CSMD1: variants seen among roughly 807,000 people sequenced by gnomAD.
CSMD1 encodes CUB and Sushi multiple domains 1.
CSMD1 carries 213 observed loss-of-function variants against 417.5 expected under a neutral mutation model. The observed-to-expected ratio is 0.51, with a 90% CI of 0.46 to 0.57. CSMD1 has a LOEUF of 0.57. CSMD1 is among the 20% of genes least tolerant of loss of function. CSMD1 has a pLI of 0.00. For missense variants in CSMD1, 6,923 were observed against 4,529.7 expected (o/e 1.53, Z -15.17); for synonymous variants, 2,862 against 1,736.8 (o/e 1.65, Z -16.11).
chr8:3,924,422 T>G (rs1809494427), intron 5 of CSMD1, among the ~76,000 whole-genome samples: 1 of 152,210 alleles, frequency 6.6e-6, no homozygotes, highest in African/African-American at 2.4e-5. Flanking sequence ...TCTCCAGATT[T>G]GGAAAGCTTT....
chr8:3,155,541 G>A (rs1486089192), intron 39 of CSMD1, among the ~76,000 whole-genome samples: 1 of 151,048 alleles, frequency 6.6e-6, no homozygotes, highest in Non-Finnish European at 1.5e-5. Flanking sequence ...CTAATTTTTT[G>A]TATTTTTAGT....
At chr8:3,602,908 A>G (rs1432937740) in intron 8 of CSMD1, among the ~76,000 whole-genome samples, 8 of 152,172 alleles carry the variant, frequency 5.3e-5, no homozygotes, top group African/African-American at 1.4e-4. Flanking sequence ...TCAAGTAACA[A>G]TCACCTATTT....
chr8:4,603,563 T>G (rs1800706071), intron 2 of CSMD1, among the ~76,000 whole-genome samples: 1 of 152,050 alleles, frequency 6.6e-6, no homozygotes, highest in Admixed American at 6.6e-5. Flanking sequence ...AAATATTAAG[T>G]GACCTCATGA....
Position 3,367,205 on chromosome 8 carries a change from T to C in CSMD1, c.2942A>G (p.His981Arg). 1.2e-6 allele frequency: 2 copies of C among 1,613,338 alleles called. No individual in the cohort carries two copies. The highest frequency in any genetic ancestry group is 8.5e-7 in the Non-Finnish European group (1 of 1,179,684). Residue 981 changes from histidine to arginine, a missense_variant, in exon 20 of 70, where the codon CAC (histidine) becomes CGC (arginine). His to Arg is a conservative substitution (Grantham distance 29). Coordinates refer to ENST00000635120, the MANE Select transcript of CSMD1 (RefSeq NM_033225.6). ...ATCCTCTGTGATCAGTAAATAGTCG[T>C]GGGAACTCTCAAGATGAAAGGTGTG... is the stretch of plus-strand genomic sequence containing the variant. ...IFHTFHLESSHDYLLITEDGS... is the reference protein window; with the variant it reads ...IFHTFHLESSRDYLLITEDGS...
chr8:4,090,649 A>G (rs986944247), intron 3 of CSMD1, among the ~76,000 whole-genome samples: 2 of 152,210 alleles, frequency 1.3e-5, no homozygotes, highest in Non-Finnish European at 2.9e-5. Flanking sequence ...GAACTTAAGT[A>G]ATTTAAGTGA....
intron 1 of CSMD1, among the ~76,000 whole-genome samples, chr8:4,692,015 C>G (rs1186385735): frequency 6.6e-6 from 1 of 152,190 alleles, no homozygotes; most frequent in African/African-American, 2.4e-5. Flanking sequence ...TCTTGTACAG[C>G]AGAGCTCAGT....
intron 5 of CSMD1, among the ~76,000 whole-genome samples, chr8:3,771,916 T>C (rs1030439152): frequency 2.0e-5 from 3 of 151,890 alleles, no homozygotes; most frequent in Non-Finnish European, 4.4e-5. Flanking sequence ...AGGAGAAAAA[T>C]AGCCCACAGG....
intron 5 of CSMD1, among the ~76,000 whole-genome samples, chr8:3,928,369 G>C (rs1347591459): frequency 7.0e-6 from 1 of 142,094 alleles, no homozygotes; most frequent in Non-Finnish European, 1.6e-5. Flanking sequence ...CCTTTTTAAA[G>C]TGCATAAAAA....
At chr8:4,176,054 A>G (rs943808675) in intron 3 of CSMD1, among the ~76,000 whole-genome samples, 145 of 152,244 alleles carry the variant, frequency 9.5e-4, no homozygotes, top group African/African-American at 3.4e-3. Context: ...CAGGAGCAGA[A>G]AAGTGTGACT....
chr8:3,960,108 C>G (rs948554163), intron 5 of CSMD1, among the ~76,000 whole-genome samples: 1 of 152,182 alleles, frequency 6.6e-6, no homozygotes, highest in East Asian at 1.9e-4. Context: ...AGTGGAAACA[C>G]AGGTTGTTCA....
intron 2 of CSMD1, among the ~76,000 whole-genome samples, chr8:4,535,333 A>G (rs1329768422): frequency 6.6e-6 from 1 of 152,198 alleles, no homozygotes; most frequent in African/African-American, 2.4e-5. Context: ...TTATAGAGAA[A>G]GTATCTTATT....
At chr8:3,290,945 G>T (rs1394572471) in intron 25 of CSMD1, among the ~76,000 whole-genome samples, 3 of 152,078 alleles carry the variant, frequency 2.0e-5, no homozygotes, top group African/African-American at 7.2e-5. Flanking sequence ...CATTCAGTAT[G>T]ATATTGGCTG....
At chr8:3,869,249 T>G (rs1321927199) in intron 5 of CSMD1, among the ~76,000 whole-genome samples, 1 of 152,196 alleles carries the variant, frequency 6.6e-6, no homozygotes, top group Non-Finnish European at 1.5e-5. Context: ...CTGCATGCCT[T>G]CACTCAAGGG....
chr8:4,132,446 C>T (rs36069069), intron 3 of CSMD1, among the ~76,000 whole-genome samples: 2 of 151,870 alleles, frequency 1.3e-5, no homozygotes, highest in African/African-American at 4.8e-5. Context: ...TTTAAAGGAA[C>T]AAAATTCCAT....
Position 3,387,637 on chromosome 8 carries a change from A to T in CSMD1, c.2639T>A (p.Val880Glu). The change falls in exon 18 of 70, where the codon GTG (valine) becomes GAG (glutamate). Residue 880 changes from valine to glutamate, a missense_variant. Transcript: ENST00000635120. ...SDSCLDPGIPVNGHRHGGDFG... is the reference protein window; with the variant it reads ...SDSCLDPGIPENGHRHGGDFG... ...GTCTCCACCGTGGCGATGGCCGTTC[A>T]CAGGGATGCCCGGGTCCAGGCAGGA... 6.2e-7 allele frequency: 1 copy of T among 1,601,334 alleles called. No homozygotes were observed. The highest frequency in any genetic ancestry group is 1.1e-5 in the South Asian group (1 of 88,510).
chr8:4,204,241 A>G (rs1052564523), intron 3 of CSMD1, among the ~76,000 whole-genome samples: 1 of 152,112 alleles, frequency 6.6e-6, no homozygotes, highest in African/African-American at 2.4e-5. Context: ...TCTTTTTTCT[A>G]ATACCCATTT....
At chr8:4,693,383 T>C (rs1328915429) in intron 1 of CSMD1, among the ~76,000 whole-genome samples, 1 of 152,210 alleles carries the variant, frequency 6.6e-6, no homozygotes, top group Non-Finnish European at 1.5e-5. Context: ...AACAGCTGGA[T>C]GGTAGGAGGA....
At chr8:4,002,200 TGTGAGTG>T (rs1815736349) in intron 4 of CSMD1, among the ~76,000 whole-genome samples, 2 of 151,352 alleles carry the variant, frequency 1.3e-5, no homozygotes, top group African/African-American at 4.8e-5. Context: ...TGTTGGTGCC[TGTGAGTG>T]TGTGTGTGTG....
At chr8:4,181,064 G>C (rs1321277357) in intron 3 of CSMD1, among the ~76,000 whole-genome samples, 1 of 152,076 alleles carries the variant, frequency 6.6e-6, no homozygotes, top group Admixed American at 6.6e-5. Flanking sequence ...CTCCAAATAT[G>C]AAAATAGGAC....
Sources: allele counts gnomAD v4.1 joint callset (sites outside exome capture counted in the v4.1 genomes callset), GRCh38; gene constraint gnomAD v4.1.1; transcripts MANE v1.5; gene names NCBI Gene and HGNC (gene_info 2026-07-23, HGNC 2026-07-21).